Variants in HDAC2 observed in about 807,000 individuals in gnomAD.
HDAC2 encodes YY1-associated factor 1.
HDAC2 carries 5 observed loss-of-function variants against 68.5 expected under a neutral mutation model. The ratio of observed to expected loss-of-function variants is 0.07; its 90% confidence interval spans 0.04 to 0.15. The LOEUF (loss-of-function observed/expected upper bound fraction) is 0.15. Ranked by LOEUF, HDAC2 falls within the 10% of genes least tolerant of loss-of-function variation. The pLI is 1.00. For synonymous variants in HDAC2, 182 were observed against 191.3 expected (o/e 0.95, Z 0.40); for missense variants, 291 against 600.8 (o/e 0.48, Z 5.39).
At chr6:113,956,569 A>T (rs1673809644) in intron 4 of HDAC2, 50 bp downstream of exon 4, 1 of 1,247,132 alleles carries the variant, frequency 8.0e-7, no homozygotes, top group African/African-American at 1.5e-5. Context: ...CCCGAAAGAT[A>T]ACACACCAAG....
chr6:113,945,273 TA>T, intron 10 of HDAC2, 88 bp downstream of exon 10: 1 of 565,644 alleles, frequency 1.8e-6, no homozygotes, highest in Non-Finnish European at 3.2e-6. Flanking sequence ...CTAATAAAGT[TA>T]AAAAGACCCA....
At position 113,935,664 on chromosome 6, in the gene HDAC2, A is replaced by C. The variant is rs545403342; in HGVS notation, c.*5394T>G. On this transcript the variant is annotated 3_prime_UTR_variant, in exon 14 of 14. Transcript: ENST00000519065. Reference sequence around the variant, plus strand: ...AAAATCTCCTATTCAGAATCCTGCTACTCATTTTACCTTAGAAATAATTAT... The same window carrying C: ...AAAATCTCCTATTCAGAATCCTGCTCCTCATTTTACCTTAGAAATAATTAT... The C allele has an allele frequency of 6.6e-6, 1 of 152,232 alleles. No individual in the cohort carries two copies. The highest frequency in any genetic ancestry group is 2.4e-5 in the African/African-American group (1 of 41,472). The allele number at this position is 152,232 out of a possible 1,614,324, so 9.4% of individuals were successfully genotyped here. A position where few individuals can be genotyped will look rare whatever the true frequency, so the allele number is the denominator to read the frequency against.
chr6:113,964,995 A>C (rs1776778022), intron 1 of HDAC2, among the ~76,000 whole-genome samples: 1 of 152,216 alleles, frequency 6.6e-6, no homozygotes, highest in South Asian at 2.1e-4. Flanking sequence ...TCTAAAATGC[A>C]ACCATTACAT....
At chr6:113,970,688 G>A in intron 1 of HDAC2, 169 bp downstream of exon 1, 1 of 1,359,612 alleles carries the variant, frequency 7.4e-7, no homozygotes, top group Non-Finnish European at 9.4e-7. Flanking sequence ...GCTGCGCCAG[G>A]AAGAGGGTCT....
intron 8 of HDAC2, 147 bp downstream of exon 8, chr6:113,948,832 T>C (rs1429212106): frequency 1.4e-6 from 1 of 713,362 alleles, no homozygotes; most frequent in Non-Finnish European, 2.2e-6. Context: ...ACTCTAGTCA[T>C]ACATACAACA....
At chr6:113,961,514 G>C (rs1393501842) in intron 1 of HDAC2, among the ~76,000 whole-genome samples, 1 of 152,084 alleles carries the variant, frequency 6.6e-6, no homozygotes, top group Non-Finnish European at 1.5e-5. Flanking sequence ...ACAATATAGA[G>C]TTTAGCAAAG....
chr6:113,942,195 G>A (rs977040918), intron 12 of HDAC2, among the ~76,000 whole-genome samples: 10 of 151,896 alleles, frequency 6.6e-5, no homozygotes, highest in African/African-American at 2.4e-4. Flanking sequence ...TAGTGAAAAT[G>A]AAAGAAAAGA....
intron 10 of HDAC2, among the ~76,000 whole-genome samples, chr6:113,944,657 G>A (rs559855659): frequency 1.2e-4 from 19 of 152,094 alleles, no homozygotes; most frequent in African/African-American, 3.4e-4. Flanking sequence ...CACCATGCCC[G>A]GCTAATTTTT....
At chr6:113,970,674 G>A (rs1452474755) in intron 1 of HDAC2, 183 bp downstream of exon 1, 2 of 1,350,288 alleles carry the variant, frequency 1.5e-6, no homozygotes, top group African/African-American at 1.6e-5. Flanking sequence ...CAGGAACCGC[G>A]GGGGCTGCGC....
intron 1 of HDAC2, among the ~76,000 whole-genome samples, chr6:113,966,858 C>T (rs796231664): frequency 5.9e-5 from 9 of 152,220 alleles, no homozygotes; most frequent in African/African-American, 2.2e-4. Flanking sequence ...AAATTTCAGT[C>T]TTATTTAGTC....
In HDAC2 at chr6:113,938,778, G is replaced by A. The variant is rs988810642; in HGVS notation, c.*2280C>T. 105 of 152,110 alleles carry A rather than the reference G, an allele frequency of 6.9e-4. 1 individual carries two copies. Among genetic ancestry groups the A allele is most frequent in the African/African-American group, 2.5e-3 (103 of 41,488 alleles). The allele number at this position is 152,110 out of a possible 1,614,324, so 9.4% of individuals were successfully genotyped here. On this transcript the variant is annotated 3_prime_UTR_variant, in exon 14 of 14. Coordinates refer to ENST00000519065, the MANE Select transcript of HDAC2 (RefSeq NM_001527.4). ...TAAAAATTTTGTTATTACAAATGGGGGTCTTTGTTCTTCCAACAGACTTGG... is the reference window on the plus strand; with the variant it reads ...TAAAAATTTTGTTATTACAAATGGGAGTCTTTGTTCTTCCAACAGACTTGG...
At chr6:113,955,926 A>G (rs559630266) in intron 5 of HDAC2, 87 bp downstream of exon 5, 21 of 943,820 alleles carry the variant, frequency 2.2e-5, no homozygotes, top group Non-Finnish European at 3.0e-5. Flanking sequence ...GGTTTACCTA[A>G]TATTTTTTAA....
chr6:113,949,948 A>AT (rs1201589124), intron 6 of HDAC2, among the ~76,000 whole-genome samples: 2 of 152,066 alleles, frequency 1.3e-5, no homozygotes, highest in Admixed American at 1.3e-4. Context: ...TGCCAGGCTA[A>AT]TTTTGTATCT....
In HDAC2 at chr6:113,940,780, A is replaced by G. The variant is rs1054054594; in HGVS notation, c.*278T>C. On this transcript the variant is annotated 3_prime_UTR_variant, in exon 14 of 14. Transcript: ENST00000519065. ...TGGAAAAATCAGCTCAGAAAGGCCAATTACTTCTTTAATAGATCAGTTTTT... is the reference window on the plus strand; with the variant it reads ...TGGAAAAATCAGCTCAGAAAGGCCAGTTACTTCTTTAATAGATCAGTTTTT... 3.2e-5 allele frequency: 10 copies of G among 307,736 alleles called. No homozygotes were observed. The highest frequency in any genetic ancestry group is 1.4e-4 in the Admixed American group (3 of 21,336). The allele number at this position is 307,736 out of a possible 1,614,324, so 19.1% of individuals were successfully genotyped here. A position where few individuals can be genotyped will look rare whatever the true frequency, so the allele number is the denominator to read the frequency against.
At position 113,961,727 on chromosome 6, in the gene HDAC2, A is replaced by T. The variant is rs1342193613; in HGVS notation, c.53-1709T>A. ...AAACCCACTAGTGTTATTACAAAGC[A>T]TCATGTAATTAAATTAATACAAGGG... On this transcript the variant is annotated intron_variant, in intron 1 of 13. Transcript: ENST00000519065. Among the ~76,000 whole-genome samples the T allele has an allele frequency of 3.3e-5, 5 of 152,346 alleles. No homozygotes were observed. The East Asian group carries it at 9.6e-4, about 29-fold the overall frequency.
In HDAC2 at chr6:113,937,021, CCTTA is replaced by C. The variant is rs2114579103; in HGVS notation, c.*4033_*4036del. ...AAAAGAAAAAAAAATAGCAGCTAAC[CCTTA>C]CTGAGCATTAACTATGTTATTAACT... is the stretch of plus-strand genomic sequence containing the variant. On this transcript the variant is annotated 3_prime_UTR_variant, in exon 14 of 14. Coordinates refer to ENST00000519065, the MANE Select transcript of HDAC2 (RefSeq NM_001527.4). 6.6e-6 allele frequency: 1 copy of C among 152,046 alleles called. No homozygotes were observed. The highest frequency in any genetic ancestry group is 1.5e-5 in the Non-Finnish European group (1 of 67,974). The allele number at this position is 152,046 out of a possible 1,614,324, so 9.4% of individuals were successfully genotyped here. A position where few individuals can be genotyped will look rare whatever the true frequency, so the allele number is the denominator to read the frequency against.
At chr6:113,960,869 T>C (rs977967860) in intron 1 of HDAC2, among the ~76,000 whole-genome samples, 5 of 152,122 alleles carry the variant, frequency 3.3e-5, no homozygotes, top group African/African-American at 7.2e-5. Flanking sequence ...AAAAAATAGA[T>C]GGTGGTGTCT....
chr6:113,971,075 G>A lies in HDAC2; in HGVS notation c.-167C>T, dbSNP rs1317000864. 1 of 1,553,958 alleles carries A rather than the reference G, an allele frequency of 6.4e-7. No individual in the cohort carries two copies. Among genetic ancestry groups the A allele is most frequent in the Non-Finnish European group, 8.7e-7 (1 of 1,148,010 alleles). On this transcript the variant is annotated 5_prime_UTR_variant, in exon 1 of 14. Transcript: ENST00000519065. ...GAGGAGAGGAGGGGGCGCCGGGAAGGCTCGGTACCACCCGGCAGAGGTGCC... is the reference window on the plus strand; with the variant it reads ...GAGGAGAGGAGGGGGCGCCGGGAAGACTCGGTACCACCCGGCAGAGGTGCC...
In HDAC2 at chr6:113,940,912, AAAAC is replaced by A. The variant is rs145225782; in HGVS notation, c.*142_*145del. 7.6e-3 allele frequency: 4,194 copies of A among 554,254 alleles called. 109 individuals carry two copies. The highest frequency in any genetic ancestry group is 0.069 in the East Asian group (2,219 of 32,350). The allele number at this position is 554,254 out of a possible 1,614,324, so 34.3% of individuals were successfully genotyped here. On this transcript the variant is annotated 3_prime_UTR_variant, in exon 14 of 14. Coordinates refer to ENST00000519065, the MANE Select transcript of HDAC2 (RefSeq NM_001527.4). ...AAACTCACAATAAAACTTGCCAAGAAAAACAAAAACGAAAAAGCCATTTGAAAAT... is the reference window on the plus strand; with the variant it reads ...AAACTCACAATAAAACTTGCCAAGAAAAAAACGAAAAAGCCATTTGAAAAT...
Sources: allele counts gnomAD v4.1 joint callset (sites outside exome capture counted in the v4.1 genomes callset), GRCh38; gene constraint gnomAD v4.1.1; transcripts MANE v1.5; gene names NCBI Gene and HGNC (gene_info 2026-07-23, HGNC 2026-07-21).